The following ENOX1 variants were observed in gnomAD, a reference collection of about 807,000 sequenced individuals.
ENOX1 encodes ecto-NOX disulfide-thiol exchanger 1.
Under a neutral mutation model 82.5 loss-of-function variants are expected in ENOX1, and 42 were observed. The observed-to-expected ratio is 0.51, with a 90% CI of 0.40 to 0.66. The LOEUF is 0.66. Ranked by LOEUF, ENOX1 falls within the 30% of genes least tolerant of loss-of-function variation. ENOX1 has a pLI of 0.00. For synonymous variants in ENOX1, 271 were observed against 282.2 expected (o/e 0.96, Z 0.40); for missense variants, 608 against 811.6 (o/e 0.75, Z 3.05).
At chr13:43,697,767 T>C (rs775737557) in intron 1 of ENOX1, among the ~76,000 whole-genome samples, 6 of 152,200 alleles carry the variant, frequency 3.9e-5, no homozygotes, top group Non-Finnish European at 8.8e-5. Context: ...ATGGTCTGAA[T>C]ACGAGTAACC....
chr13:43,352,903 G>T (rs1361932826), intron 8 of ENOX1, among the ~76,000 whole-genome samples: 1 of 152,154 alleles, frequency 6.6e-6, no homozygotes, highest in Non-Finnish European at 1.5e-5. Flanking sequence ...TATAACAGGA[G>T]GATTATTATA....
chr13:43,435,013 T>C (rs1188262952), intron 3 of ENOX1, among the ~76,000 whole-genome samples: 2 of 144,330 alleles, frequency 1.4e-5, no homozygotes, highest in African/African-American at 5.1e-5. Context: ...TGGATATTTG[T>C]ACACAAGAGG....
At chr13:43,555,896 A>C (rs1345567810) in intron 2 of ENOX1, among the ~76,000 whole-genome samples, 3 of 152,222 alleles carry the variant, frequency 2.0e-5, no homozygotes, top group African/African-American at 7.2e-5. Context: ...TAGGGATGAC[A>C]TACTGCTTTT....
intron 3 of ENOX1, among the ~76,000 whole-genome samples, chr13:43,448,817 C>T (rs1414226957): frequency 6.6e-6 from 1 of 152,198 alleles, no homozygotes; most frequent in Non-Finnish European, 1.5e-5. Context: ...AGAGCGGCAT[C>T]GCCACCAACA....
chr13:43,667,577 C>T, intron 1 of ENOX1, 33 bp from the exon 2 acceptor site: 1 of 795,408 alleles, frequency 1.3e-6, no homozygotes, highest in Non-Finnish European at 1.5e-6. Flanking sequence ...TTAGAAAAAA[C>T]TTCAAACATC....
chr13:43,412,670 A>C (rs1274032583), intron 4 of ENOX1, among the ~76,000 whole-genome samples, 175 bp downstream of exon 4: 1 of 152,244 alleles, frequency 6.6e-6, no homozygotes, highest in Non-Finnish European at 1.5e-5. Flanking sequence ...AAAACAAAAC[A>C]GAAGAATGTG....
chr13:43,436,865 TA>T (rs2056063714), intron 3 of ENOX1, among the ~76,000 whole-genome samples: 2 of 152,170 alleles, frequency 1.3e-5, no homozygotes, highest in African/African-American at 2.4e-5. Flanking sequence ...TATAACTGGA[TA>T]GTCATAATCC....
intron 5 of ENOX1, among the ~76,000 whole-genome samples, chr13:43,398,026 T>A (rs998627931): frequency 1.3e-5 from 2 of 152,184 alleles, no homozygotes; most frequent in Non-Finnish European, 2.9e-5. Flanking sequence ...CTCTTGGGTC[T>A]CATTTAAAAG....
chr13:43,775,568 C>T (rs1026739001), intron 1 of ENOX1, among the ~76,000 whole-genome samples: 6 of 152,200 alleles, frequency 3.9e-5, no homozygotes, highest in African/African-American at 1.4e-4. Context: ...ATGTGTGCTA[C>T]AATGCCTAAA....
chr13:43,467,522 A>ATTTAAAAT (rs142337497), intron 3 of ENOX1, among the ~76,000 whole-genome samples: 1 of 47,664 alleles, frequency 2.1e-5, no homozygotes, highest in African/African-American at 7.1e-5. Flanking sequence ...AAATTTTAAA[A>ATTTAAAAT]TTTTAAATTT....
intron 2 of ENOX1, among the ~76,000 whole-genome samples, chr13:43,608,647 G>T (rs2082070624): frequency 6.6e-6 from 1 of 152,084 alleles, no homozygotes; most frequent in Non-Finnish European, 1.5e-5. Flanking sequence ...TCTCAAATTG[G>T]GTGGATGAGG....
intron 16 of ENOX1, among the ~76,000 whole-genome samples, chr13:43,220,407 C>T (rs557381642): frequency 6.6e-6 from 1 of 152,294 alleles, no homozygotes; most frequent in South Asian, 2.1e-4. Flanking sequence ...TTCTCTAACT[C>T]CTAGTTCAGA....
At chr13:43,578,301 T>G (rs1186367063) in intron 2 of ENOX1, among the ~76,000 whole-genome samples, 1 of 152,140 alleles carries the variant, frequency 6.6e-6, no homozygotes, top group African/African-American at 2.4e-5. Context: ...TCAGTGAAAT[T>G]TATTTCAACT....
chr13:43,388,689 G>C (rs2052584470), intron 5 of ENOX1, among the ~76,000 whole-genome samples: 1 of 152,210 alleles, frequency 6.6e-6, no homozygotes, highest in Non-Finnish European at 1.5e-5. Context: ...CTGCCCTCGG[G>C]TGGGTAGGAG....
chr13:43,754,035 T>TAAATACACATATATACATATATAC, intron 1 of ENOX1, among the ~76,000 whole-genome samples: 1 of 126,044 alleles, frequency 7.9e-6, no homozygotes. Flanking sequence ...TACATATATA[T>TAAATACACATATATACATATATAC]GTATATAAAT....
At chr13:43,501,218 T>TG (rs1445266225) in intron 2 of ENOX1, among the ~76,000 whole-genome samples, 2 of 151,756 alleles carry the variant, frequency 1.3e-5, no homozygotes, top group Non-Finnish European at 3.0e-5. Context: ...GGGGTAGCTA[T>TG]TTTTGAAATA....
intron 1 of ENOX1, among the ~76,000 whole-genome samples, chr13:43,762,836 A>G (rs1184403641): frequency 6.6e-6 from 1 of 152,226 alleles, no homozygotes; most frequent in African/African-American, 2.4e-5. Context: ...AGAAATATTT[A>G]TGGGAAATTT....
intron 11 of ENOX1, among the ~76,000 whole-genome samples, chr13:43,317,073 T>C (rs1243111717): frequency 6.6e-6 from 1 of 152,224 alleles, no homozygotes; most frequent in African/African-American, 2.4e-5. Flanking sequence ...TATCCTTCTA[T>C]GCTTCCACTC....
At chr13:43,599,774 CT>C (rs1292094507) in intron 2 of ENOX1, among the ~76,000 whole-genome samples, 1 of 150,916 alleles carries the variant, frequency 6.6e-6, no homozygotes, top group Admixed American at 6.6e-5. Flanking sequence ...CTCCTTACTT[CT>C]GCTTGAGATG....
Sources: gnomAD v4.1 joint callset for allele counts (sites outside exome capture counted in the v4.1 genomes callset) on GRCh38, gnomAD v4.1.1 for gene constraint, MANE v1.5 for transcripts, NCBI Gene and HGNC (gene_info 2026-07-23, HGNC 2026-07-21) for gene names.